Variants in LMF1 observed in about 807,000 individuals in gnomAD.
LMF1 encodes the protein lipase maturation factor 1.
In LMF1, 68 loss-of-function variants were observed where a neutral mutation model predicts 60.6. The observed-to-expected ratio is 1.12, with a 90% CI of 0.92 to 1.37. The LOEUF (loss-of-function observed/expected upper bound fraction) is 1.37. Ranked by LOEUF, LMF1 falls within the 40% of genes most tolerant of loss-of-function variation. The pLI is 0.00. For missense variants in LMF1, 948 were observed against 767.2 expected (o/e 1.24, Z -2.78); for synonymous variants, 418 against 324.7 (o/e 1.29, Z -3.09).
chr16:908,571 C>T (rs1342697789), intron 4 of LMF1, among the ~76,000 whole-genome samples: 1 of 152,210 alleles, frequency 6.6e-6, no homozygotes, highest in Non-Finnish European at 1.5e-5. Flanking sequence ...CTCGTGCCCT[C>T]GAGGGGATGG....
chr16:963,699 C>G (rs2072864003), intron 1 of LMF1, among the ~76,000 whole-genome samples: 1 of 152,062 alleles, frequency 6.6e-6, no homozygotes, highest in African/African-American at 2.4e-5. Context: ...CTCCACCCCT[C>G]ACCACAACGC....
At chr16:856,147 C>T (rs1450046002) in intron 10 of LMF1, 1 of 364,344 alleles carries the variant, frequency 2.7e-6, no homozygotes, top group Non-Finnish European at 5.4e-6. Flanking sequence ...GTGATGCTGG[C>T]AGTTGGTGGC....
chr16:970,926 TC>T lies in LMF1; in HGVS notation c.54del (p.Lys19ArgfsTer33), dbSNP rs1227432766. 1 of 1,569,332 alleles carries T rather than the reference TC, an allele frequency of 6.4e-7. No homozygotes were observed. ...GGCTCCGGATCCGAGTACCCAGTCTTCCGCCTCCTCAGCGACTCCGCGGGCG... is the reference window on the plus strand; with the variant it reads ...GGCTCCGGATCCGAGTACCCAGTCTTCGCCTCCTCAGCGACTCCGCGGGCG... Reference protein sequence around the residue: ...MAAPAESLRRRKTGYSDPEPE... With the variant: ...MAAPAESLRRXKTGYSDPEPE... On this transcript the variant is annotated frameshift_variant, in exon 1 of 11. Transcript: ENST00000262301. LOFTEE classifies it high-confidence loss of function.
At chr16:882,820 A>C (rs1478288699) in intron 5 of LMF1, among the ~76,000 whole-genome samples, 2 of 142,192 alleles carry the variant, frequency 1.4e-5, no homozygotes, top group Non-Finnish European at 3.0e-5. Flanking sequence ...GGCAGAGCCT[A>C]TCACAGGACC....
intron 10 of LMF1, among the ~76,000 whole-genome samples, chr16:866,243 C>T (rs1299789285): frequency 6.6e-6 from 1 of 152,232 alleles, no homozygotes; most frequent in East Asian, 1.9e-4. Context: ...TAGATGACTT[C>T]TTCTGACCTC....
intron 5 of LMF1, chr16:884,180 T>C (rs9939901): frequency 0.14 from 20,651 of 152,272 alleles, 1,605 homozygotes; most frequent in East Asian, 0.28. Context: ...TCCAGCCTTC[T>C]TGTCACTCAT....
intron 4 of LMF1, chr16:898,939 CAG>C (rs963717471): frequency 3.3e-5 from 5 of 152,350 alleles, no homozygotes; most frequent in East Asian, 1.9e-4. Context: ...ACGGTAAGCA[CAG>C]GGGCTGGTTC....
chr16:871,277 G>A lies in LMF1; in HGVS notation c.962C>T (p.Ala321Val), dbSNP rs768541252. 6.2e-7 allele frequency: 1 copy of A among 1,612,450 alleles called. No individual in the cohort carries two copies. Among genetic ancestry groups the A allele is most frequent in the Non-Finnish European group, 8.5e-7 (1 of 1,179,822 alleles). ...TCCCAGGGTGGCGTCATCAAAGCAG[G>A]CCAGGCTGGGCACCATAGTCAGCCA... ...LNWLTMVPSL[A>V]CFDDATLGFL... Residue 321 changes from alanine to valine, a missense_variant, in exon 7 of 11, where the codon GCC becomes GTC. Physicochemically the swap from Ala to Val is moderately conservative, Grantham distance 64. Transcript: ENST00000262301.
chr16:855,651 T>A, intron 10 of LMF1: 1 of 453,744 alleles, frequency 2.2e-6, no homozygotes, highest in South Asian at 1.6e-5. Context: ...GGGCGGCTGC[T>A]GCCTGGCTGG....
intron 3 of LMF1, among the ~76,000 whole-genome samples, chr16:925,958 G>A (rs928843519): frequency 3.9e-5 from 6 of 152,170 alleles, no homozygotes; most frequent in Middle Eastern, 3.4e-3. Flanking sequence ...GTGTGTGCAC[G>A]TGTGCACGTT....
chr16:979,679 G>A (rs1196342249), intron 1 of LMF1: 1 of 454,104 alleles, frequency 2.2e-6, no homozygotes, highest in East Asian at 6.9e-5. Context: ...CAGACCTAAT[G>A]CAACTGCTTT....
intron 6 of LMF1, chr16:872,140 C>T (rs2069815801): frequency 2.6e-5 from 4 of 152,240 alleles, no homozygotes; most frequent in Admixed American, 2.6e-4. Context: ...GCCGTGGAGG[C>T]ATCAGGGAGA....
At chr16:893,717 T>C (rs1371821368) in intron 4 of LMF1, among the ~76,000 whole-genome samples, 1 of 151,994 alleles carries the variant, frequency 6.6e-6, no homozygotes, top group Non-Finnish European at 1.5e-5. Flanking sequence ...CAGTGAAGCA[T>C]CTGGGGAAGG....
intron 1 of LMF1, 93 bp from the exon 2 acceptor site, chr16:954,759 G>A: frequency 8.4e-7 from 1 of 1,187,454 alleles, no homozygotes; most frequent in Non-Finnish European, 1.2e-6. Flanking sequence ...GAGGCAGGCG[G>A]GAAGGGGAGG....
upstream of LMF1, among the ~76,000 whole-genome samples, chr16:974,749 T>C (rs1362604528): frequency 6.6e-6 from 1 of 152,190 alleles, no homozygotes; most frequent in Admixed American, 6.5e-5. Context: ...CGGCACCTCG[T>C]CCAGCTGTCC....
rs1313745466 is a variant in LMF1, at chr16:897,390, G to A, written c.664-4318C>T. ...ACAGTCCCCGAAAGCACCGGCTAAC[G>A]TGGTGTTTGAGGAGGGGGCGCCGCC... On this transcript the variant is annotated intron_variant, in intron 4 of 10. Transcript: ENST00000262301. This position sits in a 1 kb window ranked among gnomAD's most constrained non-coding sequence, Gnocchi z 4.3. Among the ~76,000 whole-genome samples the A allele has an allele frequency of 6.6e-6, 1 of 152,194 alleles. No homozygotes were observed. The highest frequency in any genetic ancestry group is 1.5e-5 in the Non-Finnish European group (1 of 68,042).
chr16:886,033 C>T (rs2070296095), intron 5 of LMF1, among the ~76,000 whole-genome samples: 1 of 152,200 alleles, frequency 6.6e-6, no homozygotes, highest in Non-Finnish European at 1.5e-5. Flanking sequence ...AATTAGAAAC[C>T]AGTAACAGAA....
intron 3 of LMF1, among the ~76,000 whole-genome samples, chr16:916,805 C>G (rs2071291391): frequency 6.6e-6 from 1 of 152,240 alleles, no homozygotes; most frequent in South Asian, 2.1e-4. Context: ...CTCGTTGGCT[C>G]CCTGGCAGCA....
intron 6 of LMF1, among the ~76,000 whole-genome samples, chr16:877,638 C>G (rs2070030024): frequency 6.6e-6 from 1 of 152,178 alleles, no homozygotes; most frequent in East Asian, 1.9e-4. Flanking sequence ...ATAAAAGCAG[C>G]CACGAAAACA....
Sources: allele counts gnomAD v4.1 joint callset (sites outside exome capture counted in the v4.1 genomes callset), GRCh38; gene constraint gnomAD v4.1.1; non-coding constraint Gnocchi (gnomAD v3.1); transcripts MANE v1.5; gene names NCBI Gene and HGNC (gene_info 2026-07-23, HGNC 2026-07-21).